Variants in HTN1 observed in about 807,000 individuals in gnomAD.
HTN1 encodes the protein histatin 1.
HTN1 carries 18 observed loss-of-function variants against 11.2 expected under a neutral mutation model. That is an observed-to-expected ratio of 1.61 (90% confidence interval 1.12 to 2.39). The LOEUF (loss-of-function observed/expected upper bound fraction) is 2.39. Among genes scored for constraint, HTN1 ranks in the 30% most tolerant of loss-of-function variants. The pLI is 0.00. For synonymous variants in HTN1, 21 were observed against 20.5 expected (o/e 1.02, Z -0.07); for missense variants, 80 against 67.2 (o/e 1.19, Z -0.67).
chr4:70,051,189 T>C (rs1219313364), intron 1 of HTN1, among the ~76,000 whole-genome samples: 12 of 152,186 alleles, frequency 7.9e-5, no homozygotes, highest in African/African-American at 2.9e-4. Context: ...TCTTGGTAAA[T>C]ATATTATTAT....
chr4:70,058,247 T>G (rs1726093901), intron 5 of HTN1: 1 of 152,132 alleles, frequency 6.6e-6, no homozygotes, highest in Non-Finnish European at 1.5e-5. Flanking sequence ...GCTGATGACA[T>G]TTAATCAGGG....
chr4:70,058,339 T>C (rs1726095659), intron 5 of HTN1: 1 of 152,104 alleles, frequency 6.6e-6, no homozygotes, highest in East Asian at 1.9e-4. Flanking sequence ...AGTAAGATGA[T>C]GATGGAAAAC....
chr4:70,054,725 T>C (rs1344697500), intron 4 of HTN1, among the ~76,000 whole-genome samples: 3 of 152,050 alleles, frequency 2.0e-5, no homozygotes, highest in Non-Finnish European at 2.9e-5. Context: ...TTCATTGACC[T>C]AAAGAATAGT....
intron 1 of HTN1, among the ~76,000 whole-genome samples, chr4:70,051,321 T>G (rs951245979): frequency 6.6e-6 from 1 of 152,160 alleles, no homozygotes; most frequent in African/African-American, 2.4e-5. Context: ...TGTATAAGAG[T>G]TAGTCATCTC....
intron 1 of HTN1, among the ~76,000 whole-genome samples, chr4:70,051,176 C>A (rs946799194): frequency 6.6e-6 from 1 of 151,990 alleles, no homozygotes; most frequent in Non-Finnish European, 1.5e-5. Flanking sequence ...CTGATAAATT[C>A]TCTCTTGGTA....
rs1006549187 is a variant in HTN1, at chr4:70,051,002, C to T, written c.-14+507C>T. On this transcript the variant is annotated intron_variant, in intron 1 of 5. Coordinates refer to ENST00000246896, the MANE Select transcript of HTN1 (RefSeq NM_002159.4). ...TATGAATTAACACCAGCAATCATCA[C>T]GCAAAGTAAATTATGTGGAATATGG... Among the ~76,000 whole-genome samples, 25 of 152,196 alleles carry T rather than the reference C, an allele frequency of 1.6e-4. No individual in the cohort carries two copies. The East Asian group carries it at 2.9e-3, about 18-fold the overall frequency.
At position 70,058,697 on chromosome 4, in the gene HTN1, T is replaced by C. The variant is rs1239502687; in HGVS notation, c.*151T>C. The C allele has an allele frequency of 6.6e-6, 1 of 152,142 alleles. No homozygotes were observed. The highest frequency in any genetic ancestry group is 2.4e-5 in the African/African-American group (1 of 41,444). 9.4% of individuals were successfully genotyped at this position (152,142 alleles called of 1,614,324 possible). On this transcript the variant is annotated 3_prime_UTR_variant, in exon 6 of 6. Coordinates refer to ENST00000246896, the MANE Select transcript of HTN1 (RefSeq NM_002159.4). The stretch of plus-strand genomic sequence containing the variant: ...ATGGAGAATAAAAGAAAGACCATGA[T>C]TTAGTGAATTCTGTGTTTCATGATA...
intron 5 of HTN1, chr4:70,057,076 C>A (rs1231206504): frequency 6.6e-6 from 1 of 152,172 alleles, no homozygotes; most frequent in Non-Finnish European, 1.5e-5. Flanking sequence ...ACTATAAAGA[C>A]ATATGCCTAC....
At chr4:70,054,891 A>G (rs114059645) in intron 4 of HTN1, among the ~76,000 whole-genome samples, 2,573 of 152,162 alleles carry the variant, frequency 0.017, 80 homozygotes, top group African/African-American at 0.06. Flanking sequence ...GTATTTCTCT[A>G]ACATTTTTCT....
chr4:70,050,932 A>C (rs895253355), intron 1 of HTN1, among the ~76,000 whole-genome samples: 52 of 152,070 alleles, frequency 3.4e-4, no homozygotes, highest in African/African-American at 1.2e-3. Context: ...TAATGTGTAC[A>C]ATTTTGTACT....
intron 1 of HTN1, among the ~76,000 whole-genome samples, chr4:70,052,679 T>G (rs978504798): frequency 1.3e-5 from 2 of 151,906 alleles, no homozygotes; most frequent in African/African-American, 4.8e-5. Flanking sequence ...AGGCCATGCC[T>G]GGGGCTCACA....
chr4:70,056,274 A>G (rs1726038871), intron 5 of HTN1: 1 of 152,022 alleles, frequency 6.6e-6, no homozygotes, highest in Non-Finnish European at 1.5e-5. Flanking sequence ...ACCTGACAAA[A>G]CAAGTAATCA....
In HTN1 at chr4:70,053,136, A is replaced by G. The variant is rs1725941726; in HGVS notation, c.51+9A>G. The G allele has an allele frequency of 1.3e-6, 2 of 1,582,790 alleles. No homozygotes were observed. Among genetic ancestry groups the G allele is most frequent in the Non-Finnish European group, 1.7e-6 (2 of 1,152,130 alleles). ...TCATGATTTCCATGATTGTAAGTAT[A>G]TCTGGAAATTTTAAATACTACATTC... On this transcript the variant is annotated intron_variant, in intron 2 of 5. Transcript: ENST00000246896.
At chr4:70,056,775 C>T (rs1726053755) in intron 5 of HTN1, 1 of 151,814 alleles carries the variant, frequency 6.6e-6, no homozygotes, top group African/African-American at 2.4e-5. Flanking sequence ...AGCCAACAAA[C>T]AAGAAAAAAA....
rs1259895975 is a variant in HTN1 at position 70,058,598 on chromosome 4, C to T, written c.*52C>T. On this transcript the variant is annotated 3_prime_UTR_variant, in exon 6 of 6. Coordinates refer to ENST00000246896, the MANE Select transcript of HTN1 (RefSeq NM_002159.4). ...TTCACAGGTTTGACTGGCAAATTCA[C>T]TTTTTACTCATTTATTCTCATTCAT... 6.6e-6 allele frequency: 1 copy of T among 152,084 alleles called. No homozygotes were observed. The highest frequency in any genetic ancestry group is 2.4e-5 in the African/African-American group (1 of 41,444). 9.4% of individuals were successfully genotyped at this position (152,084 alleles called of 1,614,324 possible). A position where few individuals can be genotyped will look rare whatever the true frequency, so the allele number is the denominator to read the frequency against.
At chr4:70,054,220 C>G (rs1452077482) in intron 2 of HTN1, 102 bp from the exon 3 acceptor site, 10 of 713,266 alleles carry the variant, frequency 1.4e-5, no homozygotes, top group Admixed American at 6.6e-5. Flanking sequence ...AAGAATGCCT[C>G]CATTCTGTTT....
At chr4:70,054,478 C>G (rs751222170) in intron 4 of HTN1, 28 bp downstream of exon 4, 1 of 1,404,516 alleles carries the variant, frequency 7.1e-7, no homozygotes, top group South Asian at 1.2e-5. Context: ...AATGTGCACT[C>G]TAAATAAATT....
chr4:70,050,944 G>A lies in HTN1; in HGVS notation c.-14+449G>A, dbSNP rs1043928761. 5.3e-5 allele frequency among the ~76,000 whole-genome samples: 8 copies of A among 151,952 alleles called. No individual in the cohort carries two copies. The East Asian group carries it at 1.3e-3, about 26-fold the overall frequency. The stretch of plus-strand genomic sequence containing the variant: ...CTGTAATGTGTACAATTTTGTACTC[G>A]GGATCTGAAGATGACTTCCAGATCT... On this transcript the variant is annotated intron_variant, in intron 1 of 5. Coordinates refer to ENST00000246896, the MANE Select transcript of HTN1 (RefSeq NM_002159.4).
rs528326830 is a variant in HTN1, at chr4:70,053,351, A to T, written c.51+224A>T. On this transcript the variant is annotated intron_variant, in intron 2 of 5. Coordinates refer to ENST00000246896, the MANE Select transcript of HTN1 (RefSeq NM_002159.4). ...ACAAACACTCAAGTACAATTACTTG[A>T]ATGTAAAAGTAAAAGAAAATTTAGC... 1.3e-3 allele frequency among the ~76,000 whole-genome samples: 193 copies of T among 152,274 alleles called. 1 individual carries two copies. Among genetic ancestry groups the T allele is most frequent in the African/African-American group, 4.3e-3 (180 of 41,568 alleles).
Sources: gnomAD v4.1 joint callset for allele counts (sites outside exome capture counted in the v4.1 genomes callset) on GRCh38, gnomAD v4.1.1 for gene constraint, MANE v1.5 for transcripts, NCBI Gene and HGNC (gene_info 2026-07-23, HGNC 2026-07-21) for gene names.